Variants in FAM227B observed in about 807,000 individuals in gnomAD.
The protein encoded by FAM227B is family with sequence similarity 227 member B.
FAM227B carries 88 observed loss-of-function variants against 73.8 expected under a neutral mutation model. That is an observed-to-expected ratio of 1.19 (90% CI 1.00 to 1.42). The LOEUF is 1.42. FAM227B is among the 40% of genes most tolerant of loss of function. The probability of loss-of-function intolerance (pLI) is 0.00; values close to 1 mark genes in which losing one functional copy is unlikely to be tolerated. For missense variants in FAM227B, 632 were observed against 590.9 expected, an observed-to-expected ratio of 1.07 and a Z score of -0.72; for synonymous variants, 210 against 190.5, an observed-to-expected ratio of 1.10 and a Z score of -0.84.
chr15:49,518,244 C>T (rs1390363776), intron 10 of FAM227B, among the ~76,000 whole-genome samples: 1 of 152,188 alleles, frequency 6.6e-6, no homozygotes, highest in Non-Finnish European at 1.5e-5. Context: ...CCTGCACTCT[C>T]ACCAGCATGG....
At chr15:49,528,378 C>T (rs946704938) in intron 10 of FAM227B, among the ~76,000 whole-genome samples, 2 of 151,622 alleles carry the variant, frequency 1.3e-5, no homozygotes, top group Admixed American at 1.3e-4. Context: ...AATATAAGAA[C>T]TGAAACTATA....
intron 13 of FAM227B, among the ~76,000 whole-genome samples, chr15:49,341,904 T>C (rs1226389229): frequency 6.6e-6 from 1 of 152,230 alleles, no homozygotes; most frequent in Non-Finnish European, 1.5e-5. Context: ...GTATGGTTGA[T>C]AAGAGTTTGG....
intron 11 of FAM227B, among the ~76,000 whole-genome samples, chr15:49,476,758 C>T (rs1597443350): frequency 6.6e-6 from 1 of 151,744 alleles, no homozygotes; most frequent in Non-Finnish European, 1.5e-5. Flanking sequence ...TTTAGATTTA[C>T]AAAAAAAATT....
chr15:49,553,512 G>A (rs1432223804), intron 9 of FAM227B, among the ~76,000 whole-genome samples: 2 of 152,220 alleles, frequency 1.3e-5, no homozygotes, highest in African/African-American at 4.8e-5. Flanking sequence ...CTTCCCTTCA[G>A]GGTGGCGAGG....
Position 49,371,704 on chromosome 15 carries a change from A to C in FAM227B, c.1013-305T>G, listed in dbSNP as rs565505912. 2.7e-5 allele frequency among the ~76,000 whole-genome samples: 4 copies of C among 148,928 alleles called. No individual in the cohort carries two copies. In the East Asian group the frequency reaches 5.8e-4, roughly 22 times the overall value. ...AATGAAATAAAATTCACTTATAAAT[A>C]AATGAAATAAAATTCACTTATAAAT... On this transcript the variant is annotated intron_variant, in intron 11 of 15. Coordinates refer to ENST00000299338, the MANE Select transcript of FAM227B (RefSeq NM_152647.3).
intron 1 of FAM227B, chr15:49,620,305 C>T (rs1206469143): frequency 6.6e-6 from 1 of 152,170 alleles, no homozygotes; most frequent in African/African-American, 2.4e-5. Flanking sequence ...ATTGTAATGT[C>T]CTTTATCTAC....
chr15:49,608,381 TA>T (rs1401213710), intron 3 of FAM227B, among the ~76,000 whole-genome samples: 1 of 151,758 alleles, frequency 6.6e-6, no homozygotes, highest in Non-Finnish European at 1.5e-5. Flanking sequence ...GAAGGGAGAG[TA>T]GACAGACAAA....
intron 9 of FAM227B, among the ~76,000 whole-genome samples, chr15:49,547,793 C>T (rs1263917178): frequency 6.6e-6 from 1 of 152,184 alleles, no homozygotes; most frequent in Admixed American, 6.5e-5. Flanking sequence ...AACTTATATG[C>T]ATCTAACATA....
rs538164047 is a variant in FAM227B, at chr15:49,520,825, A to C, written c.875-12477T>G. ...GTGGGGACACAGCCAAACCATATCA[A>C]ACCCCCAGGAAGAAGCTGGGCCACA... On this transcript the variant is annotated intron_variant, in intron 10 of 15. Transcript: ENST00000299338. Among the ~76,000 whole-genome samples the C allele has an allele frequency of 5.3e-5, 8 of 152,072 alleles. No homozygotes were observed. In the South Asian group the frequency reaches 1.7e-3, roughly 32 times the overall value.
intron 3 of FAM227B, among the ~76,000 whole-genome samples, chr15:49,604,163 C>G (rs543747110): frequency 6.6e-6 from 1 of 152,074 alleles, no homozygotes. Context: ...TATATTCTTA[C>G]GTTTATGGTG....
intron 13 of FAM227B, among the ~76,000 whole-genome samples, chr15:49,340,194 T>A (rs1234955447): frequency 6.6e-6 from 1 of 152,162 alleles, no homozygotes. Flanking sequence ...TAGCTTGGTG[T>A]CTACCCAAAC....
In FAM227B at chr15:49,371,316, T is replaced by C; in HGVS notation, c.1096A>G (p.Arg366Gly). The change falls in exon 12 of 16, where the codon AGA (arginine) becomes GGA (glycine). Residue 366 changes from arginine (R) to glycine (G), a missense_variant. Coordinates refer to ENST00000299338, the MANE Select transcript of FAM227B (RefSeq NM_152647.3). ...ATACTCCAAACCTTTGTTGCTAGTCTTGATAATCTTGATTCTTCCTTGGAT... is the reference window on the plus strand; with the variant it reads ...ATACTCCAAACCTTTGTTGCTAGTCCTGATAATCTTGATTCTTCCTTGGAT... ...PISKEESRLSRLATKSHYSST... is the reference protein window; with the variant it reads ...PISKEESRLSGLATKSHYSST... 1 of 1,587,268 alleles carries C rather than the reference T, an allele frequency of 6.3e-7. No individual in the cohort carries two copies. The highest frequency in any genetic ancestry group is 8.6e-7 in the Non-Finnish European group (1 of 1,159,456).
intron 13 of FAM227B, among the ~76,000 whole-genome samples, chr15:49,350,923 C>T (rs543863138): frequency 7.9e-5 from 12 of 152,290 alleles, no homozygotes; most frequent in South Asian, 2.1e-4. Flanking sequence ...CAGCTTTCCC[C>T]GTGTGCATCA....
At chr15:49,358,694 A>T (rs2043620218) in intron 13 of FAM227B, among the ~76,000 whole-genome samples, 1 of 151,114 alleles carries the variant, frequency 6.6e-6, no homozygotes. Flanking sequence ...TGCCATCCCC[A>T]TCAAGCTACC....
chr15:49,513,128 A>G (rs2059135217), intron 10 of FAM227B, among the ~76,000 whole-genome samples: 1 of 152,048 alleles, frequency 6.6e-6, no homozygotes, highest in Admixed American at 6.6e-5. Context: ...CTAGCAATGG[A>G]ATTGCTGGAT....
At chr15:49,448,865 C>A (rs1187731431) in intron 11 of FAM227B, among the ~76,000 whole-genome samples, 1 of 151,662 alleles carries the variant, frequency 6.6e-6, no homozygotes. Flanking sequence ...CTTTAGCAGT[C>A]GATTCCAATA....
intron 5 of FAM227B, among the ~76,000 whole-genome samples, chr15:49,578,469 C>CATAGATAGATAGATAGATAG (rs141756297): frequency 0.017 from 2,595 of 151,460 alleles, 39 homozygotes; most frequent in Non-Finnish European, 0.024. Context: ...TATAGACAGA[C>CATAGATAGATAGATAGATAG]ATAGATAGAT....
chr15:49,483,707 T>C (rs1035891343), intron 11 of FAM227B, among the ~76,000 whole-genome samples: 1 of 152,076 alleles, frequency 6.6e-6, no homozygotes, highest in Non-Finnish European at 1.5e-5. Flanking sequence ...ATTCACATTG[T>C]CCCCACTTCA....
chr15:49,447,380 G>C (rs2052321176), intron 11 of FAM227B, among the ~76,000 whole-genome samples: 1 of 151,606 alleles, frequency 6.6e-6, no homozygotes, highest in Admixed American at 6.6e-5. Context: ...AGTAAGCAAA[G>C]ATCACAGAGC....
Sources: gnomAD v4.1 joint callset for allele counts (sites outside exome capture counted in the v4.1 genomes callset) on GRCh38, gnomAD v4.1.1 for gene constraint, MANE v1.5 for transcripts, NCBI Gene and HGNC (gene_info 2026-07-23, HGNC 2026-07-21) for gene names.